The following DIP2C variants were observed in gnomAD, a reference collection of about 807,000 sequenced individuals.
The protein encoded by DIP2C is disco-interacting protein 2 homolog C.
Under a neutral mutation model 192.4 loss-of-function variants are expected in DIP2C, and 33 were observed. The ratio of observed to expected loss-of-function variants is 0.17; its 90% CI spans 0.13 to 0.23. The LOEUF (loss-of-function observed/expected upper bound fraction) is 0.23. DIP2C is among the 10% of genes least tolerant of loss of function. The probability of loss-of-function intolerance (pLI) is 1.00; values close to 1 mark genes in which losing one functional copy is unlikely to be tolerated. For synonymous variants in DIP2C, 979 were observed against 864.1 expected (o/e 1.13, Z -2.33); for missense variants, 1,537 against 2,110.1 (o/e 0.73, Z 5.32).
At chr10:414,904 A>AT (rs1227372945) in intron 7 of DIP2C, among the ~76,000 whole-genome samples, 7 of 77,802 alleles carry the variant, frequency 9.0e-5, no homozygotes, top group East Asian at 3.2e-4. Context: ...ATATATATAT[A>AT]TATTTTTTTT....
chr10:447,496 G>C (rs1184020592), intron 3 of DIP2C, among the ~76,000 whole-genome samples: 1 of 150,656 alleles, frequency 6.6e-6, no homozygotes, highest in Admixed American at 6.6e-5. Context: ...ATCACACACA[G>C]TGGGGCAGCA....
intron 1 of DIP2C, among the ~76,000 whole-genome samples, chr10:631,553 C>G: frequency 6.6e-6 from 1 of 152,212 alleles, no homozygotes; most frequent in East Asian, 1.9e-4. Context: ...CGCCAACACT[C>G]TTAACATGTT....
rs146894366 is a variant in DIP2C at position 492,491 on chromosome 10, C to G, written c.86-5961G>C. ...ATAAGGTGCCAGGGTAAACATAAAG[C>G]CTGCACTAGGATTCATACATTCACC... On this transcript the variant is annotated intron_variant, in intron 1 of 36. Coordinates refer to ENST00000280886, the MANE Select transcript of DIP2C (RefSeq NM_014974.3). Among the ~76,000 whole-genome samples, 582 of 152,330 alleles carry G rather than the reference C, an allele frequency of 3.8e-3. 3 individuals are homozygous for G. The highest frequency in any genetic ancestry group is 0.014 in the Middle Eastern group (4 of 294).
intron 3 of DIP2C, among the ~76,000 whole-genome samples, chr10:463,195 A>C (rs1311018727): frequency 6.6e-6 from 1 of 152,242 alleles, no homozygotes. Context: ...AAATAGGAAG[A>C]GAGAAAGTCA....
intron 5 of DIP2C, among the ~76,000 whole-genome samples, chr10:419,509 G>C (rs116375811): frequency 6.6e-6 from 1 of 152,230 alleles, no homozygotes; most frequent in African/African-American, 2.4e-5. Flanking sequence ...CAGGAACCCT[G>C]TGTGTGTTCA....
At chr10:360,680 C>T (rs1445043168) in intron 22 of DIP2C, among the ~76,000 whole-genome samples, 1 of 152,134 alleles carries the variant, frequency 6.6e-6, no homozygotes, top group African/African-American at 2.4e-5. Context: ...GGAATTGTAC[C>T]TTGTTTTGTA....
chr10:542,441 CAA>C (rs1848049882), intron 1 of DIP2C, among the ~76,000 whole-genome samples: 2 of 152,340 alleles, frequency 1.3e-5, no homozygotes, highest in Admixed American at 1.3e-4. Context: ...GGAACGGTGT[CAA>C]AGAGGCAGGA....
rs140915207 is a variant in DIP2C at position 386,774 on chromosome 10, C to T, written c.1662+971G>A. On this transcript the variant is annotated intron_variant, in intron 14 of 36. Coordinates refer to ENST00000280886, the MANE Select transcript of DIP2C (RefSeq NM_014974.3). The stretch of plus-strand genomic sequence containing the variant: ...GACAACTCCTAGAATTTTCTACCTC[C>T]AAAAGGTAAGAAGCTTCAGCGTAAG... Among the ~76,000 whole-genome samples the T allele has an allele frequency of 6.2e-3, 940 of 152,270 alleles. 26 individuals are homozygous for T. The highest frequency in any genetic ancestry group is 3.4e-3 in the Non-Finnish European group (232 of 68,010).
chr10:504,131 C>A (rs1845429215), intron 1 of DIP2C, among the ~76,000 whole-genome samples: 1 of 152,212 alleles, frequency 6.6e-6, no homozygotes, highest in Admixed American at 6.5e-5. Flanking sequence ...TAACTGCCTT[C>A]CTAACCAGAG....
intron 1 of DIP2C, among the ~76,000 whole-genome samples, chr10:599,047 AAAGT>A (rs779541878): frequency 8.5e-5 from 13 of 152,322 alleles, no homozygotes; most frequent in East Asian, 5.8e-4. Flanking sequence ...CGTGTGGAAT[AAAGT>A]AAGTGAAGGA....
In DIP2C at chr10:378,172, GAGAAA is replaced by G. The variant is rs1440213440; in HGVS notation, c.1991+4470_1991+4474del. On this transcript the variant is annotated intron_variant, in intron 17 of 36. Transcript: ENST00000280886. ...TTTTCTACTCTAAAACTAACATCGG[GAGAAA>G]AGAAAACACAAAATATAACAGGACA... is the stretch of plus-strand genomic sequence containing the variant. Among the ~76,000 whole-genome samples, 10 of 152,284 alleles carry G rather than the reference GAGAAA, an allele frequency of 6.6e-5. No homozygotes were observed. The East Asian group carries it at 1.5e-3, about 23-fold the overall frequency.
At chr10:332,513 G>C (rs548085753) in intron 29 of DIP2C, among the ~76,000 whole-genome samples, 15 of 152,182 alleles carry the variant, frequency 9.9e-5, no homozygotes, top group Middle Eastern at 3.4e-3. Context: ...AGCAAATTTT[G>C]ATTAATTGCT....
intron 3 of DIP2C, among the ~76,000 whole-genome samples, chr10:467,097 G>A (rs865951145): frequency 2.7e-4 from 41 of 151,860 alleles, no homozygotes; most frequent in Non-Finnish European, 3.2e-4. Context: ...TGTTTATTGC[G>A]GCATTACTCA....
At chr10:557,996 G>A (rs547191792) in intron 1 of DIP2C, among the ~76,000 whole-genome samples, 51 of 152,228 alleles carry the variant, frequency 3.4e-4, no homozygotes, top group African/African-American at 5.8e-4. Flanking sequence ...ACAGGGTGCC[G>A]TCACATGACA....
At chr10:506,904 A>G (rs1845628196) in intron 1 of DIP2C, among the ~76,000 whole-genome samples, 1 of 151,798 alleles carries the variant, frequency 6.6e-6, no homozygotes, top group African/African-American at 2.4e-5. Context: ...GTGAGGTCAC[A>G]GACCTGGTCA....
At chr10:685,127 T>C (rs1488438270) in intron 1 of DIP2C, among the ~76,000 whole-genome samples, 1 of 100,546 alleles carries the variant, frequency 9.9e-6, no homozygotes. Context: ...AGAGTGAAAC[T>C]TGGTCCCCAA....
intron 29 of DIP2C, chr10:340,543 T>C (rs1958093528): frequency 8.5e-6 from 3 of 352,310 alleles, no homozygotes; most frequent in Non-Finnish European, 1.7e-5. Flanking sequence ...TTGGTAACAC[T>C]CTTTATCAGG....
At chr10:420,886 G>C (rs1025858330) in intron 5 of DIP2C, among the ~76,000 whole-genome samples, 3 of 152,092 alleles carry the variant, frequency 2.0e-5, no homozygotes, top group Non-Finnish European at 4.4e-5. Context: ...CGGAGGGATC[G>C]GCCAGTGTGA....
chr10:533,513 A>T (rs186028340), intron 1 of DIP2C, among the ~76,000 whole-genome samples: 4 of 152,232 alleles, frequency 2.6e-5, no homozygotes. Flanking sequence ...CTCCTACAAC[A>T]GTTTAGAGTG....
Sources: gnomAD v4.1 joint callset for allele counts (sites outside exome capture counted in the v4.1 genomes callset) on GRCh38, gnomAD v4.1.1 for gene constraint, MANE v1.5 for transcripts, NCBI Gene and HGNC (gene_info 2026-07-23, HGNC 2026-07-21) for gene names.